KIAA2012: variants seen among roughly 807,000 people sequenced by gnomAD.
The protein encoded by KIAA2012 is KIAA2012.
KIAA2012 carries 125 observed loss-of-function variants against 150.6 expected under a neutral mutation model. The ratio of observed to expected loss-of-function variants is 0.83; its 90% CI spans 0.72 to 0.96. The LOEUF is 0.96. Ranked by LOEUF, KIAA2012 falls within the 40% of genes least tolerant of loss-of-function variation. The pLI is 0.00. For missense variants in KIAA2012, 1,219 were observed against 1,354.9 expected (o/e 0.90, Z 1.57); for synonymous variants, 462 against 504.7 (o/e 0.92, Z 1.13).
At chr2:202,139,589 G>A (rs1691156433) in intron 13 of KIAA2012, among the ~76,000 whole-genome samples, 1 of 152,176 alleles carries the variant, frequency 6.6e-6, no homozygotes, top group African/African-American at 2.4e-5. Flanking sequence ...GCTTTCATCT[G>A]CGTGCCTGAG....
intron 12 of KIAA2012, among the ~76,000 whole-genome samples, chr2:202,133,130 A>ATATATATATATATTTTTTTTTTTTTTT (rs1279080237): frequency 1.8e-4 from 12 of 67,748 alleles, no homozygotes; most frequent in Admixed American, 3.6e-4. Flanking sequence ...ATATATATAT[A>ATATATATATATATTTTTTTTTTTTTTT]TTTTTTTTTT....
intron 14 of KIAA2012, among the ~76,000 whole-genome samples, chr2:202,164,133 CTCTAGCA>C: frequency 6.6e-6 from 1 of 152,182 alleles, no homozygotes; most frequent in Non-Finnish European, 1.5e-5. Context: ...CAGATTCCAG[CTCTAGCA>C]CCGAGATGAA....
chr2:202,084,201 G>A (rs549504643), intron 2 of KIAA2012, among the ~76,000 whole-genome samples: 2 of 152,272 alleles, frequency 1.3e-5, no homozygotes, highest in Admixed American at 6.5e-5. Context: ...CACCGTCTGC[G>A]GTATGATGGC....
chr2:202,090,635 G>C, intron 2 of KIAA2012, 135 bp from the exon 3 acceptor site: 1 of 941,870 alleles, frequency 1.1e-6, no homozygotes, highest in Non-Finnish European at 1.5e-6. Flanking sequence ...ATTAGCCGAG[G>C]CATCTGTTTT....
At chr2:202,118,739 G>A (rs1690587191) in intron 11 of KIAA2012, among the ~76,000 whole-genome samples, 1 of 152,184 alleles carries the variant, frequency 6.6e-6, no homozygotes. Flanking sequence ...GGCTGTGATA[G>A]CTGCATTTGT....
Position 202,100,419 on chromosome 2 carries a change from A to C in KIAA2012, c.1125A>C (p.Ile375=). Residue 375 remains isoleucine (I), a synonymous_variant, in exon 7 of 24, where the codon ATA becomes ATC. Transcript: ENST00000498697. ...PPVASATGSR[I]ITPGEVKKKK... is the part of the protein sequence containing the mutation. ...TAGCATCTGCCACTGGCTCCAGAAT[A>C]ATCACCCCTGGGGAAGTGAAGAAGA... 1.9e-6 allele frequency: 3 copies of C among 1,550,602 alleles called. No homozygotes were observed. The highest frequency in any genetic ancestry group is 2.6e-6 in the Non-Finnish European group (3 of 1,146,982).
chr2:202,090,708 C>A, intron 2 of KIAA2012, 62 bp from the exon 3 acceptor site: 2 of 1,475,790 alleles, frequency 1.4e-6, no homozygotes, highest in East Asian at 5.1e-5. Context: ...GCTAACCAGC[C>A]TGTATCACTG....
chr2:202,099,844 G>T, intron 6 of KIAA2012, 48 bp downstream of exon 6: 1 of 1,469,608 alleles, frequency 6.8e-7, no homozygotes. Flanking sequence ...AGCCAGTCAT[G>T]CAGAGTTCAT....
At chr2:202,194,556 T>G (rs1368641913) in intron 21 of KIAA2012, among the ~76,000 whole-genome samples, 194 bp downstream of exon 21, 3 of 152,368 alleles carry the variant, frequency 2.0e-5, no homozygotes, top group Non-Finnish European at 2.9e-5. Context: ...AAGTAATGAC[T>G]TGCTTGTGGA....
Position 202,196,980 on chromosome 2 carries a change from C to G in KIAA2012, c.3368C>G (p.Ala1123Gly), listed in dbSNP as rs202192399. 1 of 1,550,612 alleles carries G rather than the reference C, an allele frequency of 6.4e-7. No individual in the cohort carries two copies. The highest frequency in any genetic ancestry group is 8.7e-7 in the Non-Finnish European group (1 of 1,146,990). The change falls in exon 22 of 24, where the codon GCT becomes GGT. Residue 1123 changes from alanine to glycine, a missense_variant. Transcript: ENST00000498697. The part of the protein sequence containing the change: ...RQKEEEAARL[A>G]LEEATKQAQE... The stretch of plus-strand genomic sequence containing the variant: ...AAAGAAGAGGAAGCAGCAAGACTGG[C>G]TCTGGAAGAAGCCACGAAACAAGCC...
At chr2:202,095,033 A>G (rs1022339222) in intron 4 of KIAA2012, among the ~76,000 whole-genome samples, 6 of 152,218 alleles carry the variant, frequency 3.9e-5, no homozygotes, top group African/African-American at 1.4e-4. Context: ...GGAGATGACC[A>G]TACCCATCTT....
At chr2:202,159,490 A>G (rs1691605498) in intron 14 of KIAA2012, among the ~76,000 whole-genome samples, 1 of 152,128 alleles carries the variant, frequency 6.6e-6, no homozygotes, top group Non-Finnish European at 1.5e-5. Flanking sequence ...CTCTGATACT[A>G]AGTGACCTTG....
At chr2:202,133,265 A>G (rs1031469261) in intron 12 of KIAA2012, among the ~76,000 whole-genome samples, 3 of 149,648 alleles carry the variant, frequency 2.0e-5, no homozygotes, top group African/African-American at 7.4e-5. Context: ...ATCCTTATTA[A>G]TCCTGTGATG....
rs1008512325 is a variant in KIAA2012 at position 202,082,287 on chromosome 2, C to A, written c.369+7112C>A. On this transcript the variant is annotated intron_variant, in intron 2 of 23. Coordinates refer to ENST00000498697, the MANE Select transcript of KIAA2012 (RefSeq NM_001277372.4). ...GGAGGATCACTTGAGCCCAAGAGAT[C>A]GAGGCTACAGTGAGACATGATCACA... 3.3e-5 allele frequency among the ~76,000 whole-genome samples: 5 copies of A among 151,988 alleles called. No homozygotes were observed. The South Asian group carries it at 8.3e-4, about 25-fold the overall frequency.
intron 8 of KIAA2012, among the ~76,000 whole-genome samples, chr2:202,105,127 AG>A (rs35737687): frequency 0.29 from 43,965 of 151,736 alleles, 7,910 homozygotes; most frequent in Non-Finnish European, 0.4. Context: ...AGAAAAGGAA[AG>A]GGGAAAAAGG....
intron 23 of KIAA2012, among the ~76,000 whole-genome samples, chr2:202,203,783 T>TC (rs1692579282): frequency 1.3e-5 from 2 of 152,012 alleles, no homozygotes; most frequent in South Asian, 4.1e-4. Flanking sequence ...TTTTTTTTTT[T>TC]TTTTGAGACG....
chr2:202,103,157 A>C, intron 8 of KIAA2012, 43 bp downstream of exon 8: 1 of 1,537,044 alleles, frequency 6.5e-7, no homozygotes, highest in South Asian at 1.2e-5. Flanking sequence ...AGAGCCTGGG[A>C]TGGGGGGTCC....
At chr2:202,100,572 T>C in intron 7 of KIAA2012, 123 bp downstream of exon 7, 1 of 1,153,632 alleles carries the variant, frequency 8.7e-7, no homozygotes, top group Non-Finnish European at 1.2e-6. Context: ...CTGGCCTCTC[T>C]AGCGTCTGAG....
intron 14 of KIAA2012, 144 bp downstream of exon 14, chr2:202,154,954 G>T: frequency 4.1e-6 from 4 of 968,038 alleles, no homozygotes; most frequent in Non-Finnish European, 4.4e-6. Context: ...TAGGCAGTTT[G>T]TAGCAGATGA....
Sources: allele counts gnomAD v4.1 joint callset (sites outside exome capture counted in the v4.1 genomes callset), GRCh38; gene constraint gnomAD v4.1.1; transcripts MANE v1.5; gene names NCBI Gene and HGNC (gene_info 2026-07-23, HGNC 2026-07-21).